Variants in TMEM108 observed in about 807,000 individuals in gnomAD.
The protein encoded by TMEM108 is cancer/testis antigen 124.
In TMEM108, 12 loss-of-function variants were observed where a neutral mutation model predicts 35.1. The observed-to-expected ratio is 0.34, with a 90% CI of 0.22 to 0.55. The LOEUF (loss-of-function observed/expected upper bound fraction) is 0.55. Ranked by LOEUF, TMEM108 falls within the 20% of genes least tolerant of loss-of-function variation. TMEM108 has a pLI of 0.89. For synonymous variants in TMEM108, 287 were observed against 308.6 expected, an observed-to-expected ratio of 0.93 and a Z score of 0.73; for missense variants, 680 against 753.3, an observed-to-expected ratio of 0.90 and a Z score of 1.14.
In TMEM108 at chr3:133,389,514, T is replaced by C. The variant is rs545317211; in HGVS notation, c.1451-666T>C. On this transcript the variant is annotated intron_variant, in intron 4 of 5. Coordinates refer to ENST00000321871, the MANE Select transcript of TMEM108 (RefSeq NM_023943.4). The stretch of plus-strand genomic sequence containing the variant: ...GCCTAACCAACATGGCAAAACCCTG[T>C]CTCTACTAAAAATACAAAAATTAGC... 1.8e-5 allele frequency: 9 copies of C among 487,232 alleles called. 1 individual carries two copies. The South Asian group carries it at 7.9e-4, about 43-fold the overall frequency. The allele number at this position is 487,232 out of a possible 1,614,324, so 30.2% of individuals were successfully genotyped here.
intron 2 of TMEM108, among the ~76,000 whole-genome samples, chr3:133,203,987 A>G (rs551576366): frequency 1.4e-4 from 21 of 152,170 alleles, no homozygotes; most frequent in Admixed American, 1.2e-3. Context: ...TTATTGGTCT[A>G]TTGAGGGATT....
At chr3:133,097,886 G>C (rs1366905165) in intron 2 of TMEM108, among the ~76,000 whole-genome samples, 4 of 152,150 alleles carry the variant, frequency 2.6e-5, no homozygotes, top group Non-Finnish European at 1.5e-5. Context: ...AGGAAAATTT[G>C]CTTTAGGTTT....
intron 2 of TMEM108, among the ~76,000 whole-genome samples, chr3:133,155,367 G>T (rs964601348): frequency 6.6e-6 from 1 of 152,078 alleles, no homozygotes; most frequent in Non-Finnish European, 1.5e-5. Context: ...ATTCTTCTGG[G>T]TATATACCCA....
chr3:133,135,218 C>G (rs1044393846), intron 2 of TMEM108, among the ~76,000 whole-genome samples: 1 of 146,584 alleles, frequency 6.8e-6, no homozygotes, highest in African/African-American at 2.5e-5. Context: ...GCGGGTCTTT[C>G]TCTCTTCTAA....
chr3:133,161,050 A>C (rs914394746), intron 2 of TMEM108, among the ~76,000 whole-genome samples: 1 of 152,192 alleles, frequency 6.6e-6, no homozygotes. Flanking sequence ...TTTCTTGCTT[A>C]AAATCCTCCA....
intron 1 of TMEM108, among the ~76,000 whole-genome samples, chr3:133,040,329 G>A (rs1276579218): frequency 6.6e-6 from 1 of 150,612 alleles, no homozygotes; most frequent in African/African-American, 2.4e-5. Context: ...TCAGCCTCCC[G>A]AGTAGCTGGG....
chr3:133,068,516 T>G (rs9829119), intron 2 of TMEM108, among the ~76,000 whole-genome samples: 151,524 of 152,216 alleles, frequency 1, 75,420 homozygotes, highest in East Asian at 1. Context: ...CACCTCCTAG[T>G]CAGGGTAAGG....
chr3:133,368,756 A>G (rs936602215), intron 3 of TMEM108, among the ~76,000 whole-genome samples: 1 of 152,174 alleles, frequency 6.6e-6, no homozygotes, highest in Admixed American at 6.5e-5. Flanking sequence ...TCAGCTGCAA[A>G]TAACTCAAAT....
intron 2 of TMEM108, among the ~76,000 whole-genome samples, chr3:133,180,805 C>A (rs1945326144): frequency 6.6e-6 from 1 of 151,984 alleles, no homozygotes; most frequent in Admixed American, 6.6e-5. Context: ...AAACAAAACA[C>A]AGACCATCAT....
chr3:133,056,618 T>G (rs1215159912), intron 2 of TMEM108, among the ~76,000 whole-genome samples: 1 of 152,188 alleles, frequency 6.6e-6, no homozygotes, highest in East Asian at 1.9e-4. Context: ...ACATCACAGT[T>G]CGTGGTTAGC....
chr3:133,244,391 T>TC (rs1234252621), intron 3 of TMEM108, among the ~76,000 whole-genome samples: 4 of 152,106 alleles, frequency 2.6e-5, no homozygotes, highest in Non-Finnish European at 5.9e-5. Flanking sequence ...ATCTTCCTCC[T>TC]CTCCTCTATG....
At chr3:133,239,768 G>A (rs543584726) in intron 3 of TMEM108, among the ~76,000 whole-genome samples, 7 of 152,306 alleles carry the variant, frequency 4.6e-5, no homozygotes, top group South Asian at 2.1e-4. Flanking sequence ...AGCAGGAGAC[G>A]CTTTTAGCTT....
intron 2 of TMEM108, among the ~76,000 whole-genome samples, chr3:133,093,731 C>T (rs182273998): frequency 6.6e-5 from 10 of 152,298 alleles, no homozygotes; most frequent in African/African-American, 2.4e-4. Context: ...GGACAGAAGG[C>T]TCCAACATTT....
rs1312204311 is a variant in TMEM108 at position 133,038,833 on chromosome 3, CGAA to C, written c.-166+408_-166+410del. ...CAGGGGGACCTGTCACATGGGGAAACGAAGAAGAAGAAATGTAGTGTCACTTTG... is the reference window on the plus strand; with the variant it reads ...CAGGGGGACCTGTCACATGGGGAAACGAAGAAGAAATGTAGTGTCACTTTG... On this transcript the variant is annotated intron_variant, in intron 1 of 5. Coordinates refer to ENST00000321871, the MANE Select transcript of TMEM108 (RefSeq NM_023943.4). Among the ~76,000 whole-genome samples, 4 of 152,256 alleles carry C rather than the reference CGAA, an allele frequency of 2.6e-5. No homozygotes were observed. The East Asian group carries it at 7.8e-4, about 30-fold the overall frequency.
intron 3 of TMEM108, among the ~76,000 whole-genome samples, chr3:133,338,489 T>A (rs1013322620): frequency 6.6e-6 from 1 of 152,040 alleles, no homozygotes; most frequent in Non-Finnish European, 1.5e-5. Context: ...AGAAATAGAC[T>A]TTCCCAGACA....
rs376162613 is a variant in TMEM108 at position 133,179,659 on chromosome 3, G to A, written c.-46-49607G>A. On this transcript the variant is annotated intron_variant, in intron 2 of 5. Coordinates refer to ENST00000321871, the MANE Select transcript of TMEM108 (RefSeq NM_023943.4). ...CATCACACACTGGGGCCTGTTGTGG[G>A]GTGGGGGGAGTGGGGAGGGATAGCA... is the stretch of plus-strand genomic sequence containing the variant. Among the ~76,000 whole-genome samples, 11 of 152,148 alleles carry A rather than the reference G, an allele frequency of 7.2e-5. No individual in the cohort carries two copies. The East Asian group carries it at 1.5e-3, about 21-fold the overall frequency.
At position 133,388,795 on chromosome 3, in the gene TMEM108, G is replaced by C. The variant is rs113820168; in HGVS notation, c.1451-1385G>C. 6,251 of 985,394 alleles carry C rather than the reference G, an allele frequency of 6.3e-3. 285 individuals carry two copies. The African/African-American group carries it at 0.1, about 16-fold the overall frequency. The allele number at this position is 985,394 out of a possible 1,614,324, so 61.0% of individuals were successfully genotyped here. A position where few individuals can be genotyped will look rare whatever the true frequency, so the allele number is the denominator to read the frequency against. On this transcript the variant is annotated intron_variant, in intron 4 of 5. Coordinates refer to ENST00000321871, the MANE Select transcript of TMEM108 (RefSeq NM_023943.4). The stretch of plus-strand genomic sequence containing the variant: ...CCTACAGGGCCCTGGGCTCTGGGCT[G>C]TGAGGTCTCAGCCTATACAGGTGCC...
At chr3:133,119,593 A>G (rs368494155) in intron 2 of TMEM108, 3 of 152,374 alleles carry the variant, frequency 2.0e-5, no homozygotes, top group South Asian at 2.1e-4. Flanking sequence ...GCTAGGAAAC[A>G]TTTAGCCTGC....
intron 3 of TMEM108, among the ~76,000 whole-genome samples, chr3:133,335,415 T>C (rs564717519): frequency 6.6e-6 from 1 of 152,308 alleles, no homozygotes; most frequent in South Asian, 2.1e-4. Context: ...CAGAGGAAAA[T>C]GCTTTGGATA....
Sources: gnomAD v4.1 joint callset for allele counts (sites outside exome capture counted in the v4.1 genomes callset) on GRCh38, gnomAD v4.1.1 for gene constraint, MANE v1.5 for transcripts, NCBI Gene and HGNC (gene_info 2026-07-23, HGNC 2026-07-21) for gene names.